DPP10: variants seen among roughly 807,000 people sequenced by gnomAD.
DPP10 encodes inactive dipeptidyl peptidase 10.
DPP10 carries 33 observed loss-of-function variants against 120.9 expected under a neutral mutation model. The ratio of observed to expected loss-of-function variants is 0.27; its 90% CI spans 0.21 to 0.37. DPP10 has a LOEUF of 0.37. DPP10 is among the 10% of genes least tolerant of loss of function. DPP10 has a pLI of 1.00. For missense variants in DPP10, 816 were observed against 942.8 expected, an observed-to-expected ratio of 0.87 and a Z score of 1.76; for synonymous variants, 337 against 326.1, an observed-to-expected ratio of 1.03 and a Z score of -0.36.
chr2:115,740,041 G>T, intron 9 of DPP10, 148 bp downstream of exon 9: 1 of 822,794 alleles, frequency 1.2e-6, no homozygotes, highest in East Asian at 2.6e-5. Flanking sequence ...CGATCTCCCA[G>T]TAGTCTATAC....
intron 3 of DPP10, among the ~76,000 whole-genome samples, chr2:115,345,053 G>C (rs2106267255): frequency 6.6e-6 from 1 of 152,256 alleles, no homozygotes; most frequent in African/African-American, 2.4e-5. Flanking sequence ...ACTTGACACT[G>C]ATATGTCTCC....
intron 7 of DPP10, among the ~76,000 whole-genome samples, chr2:115,697,480 A>G (rs2091655057): frequency 6.6e-6 from 1 of 151,942 alleles, no homozygotes; most frequent in Non-Finnish European, 1.5e-5. Flanking sequence ...TTGAGAGACA[A>G]ATAAATCAAT....
At position 115,683,027 on chromosome 2, in the gene DPP10, G is replaced by A. The variant is rs971455503; in HGVS notation, c.442-6660G>A. 1.9e-4 allele frequency among the ~76,000 whole-genome samples: 29 copies of A among 151,716 alleles called. 1 individual carries two copies. Among genetic ancestry groups the A allele is most frequent in the Non-Finnish European group, 4.3e-4 (29 of 67,812 alleles). ...TGCCTATAACAGAATGACCAAATTG[G>A]TTTTGTGACGGTCAGTTTTGTTTTG... is the stretch of plus-strand genomic sequence containing the variant. On this transcript the variant is annotated intron_variant, in intron 5 of 25. Coordinates refer to ENST00000410059, the MANE Select transcript of DPP10 (RefSeq NM_020868.6).
In DPP10 at chr2:114,959,643, A is replaced by G. The variant is rs2104704684; in HGVS notation, c.61-349596A>G. ...ACTCTATTGTTTAACATGTTAAGGA[A>G]CCGCCAAACTGTTTTTTAAACTGGA... On this transcript the variant is annotated intron_variant, in intron 1 of 25. Transcript: ENST00000410059. Among the ~76,000 whole-genome samples the G allele has an allele frequency of 1.3e-5, 2 of 152,324 alleles. 1 individual carries two copies. Among genetic ancestry groups the G allele is most frequent in the South Asian group, 4.1e-4 (2 of 4,820 alleles).
intron 19 of DPP10, among the ~76,000 whole-genome samples, chr2:115,812,001 T>C (rs1686698914): frequency 6.6e-6 from 1 of 152,204 alleles, no homozygotes; most frequent in African/African-American, 2.4e-5. Context: ...AATCTAATCA[T>C]GGTTTTGTTC....
intron 1 of DPP10, among the ~76,000 whole-genome samples, chr2:114,703,001 G>A (rs1246414541): frequency 6.6e-6 from 1 of 152,104 alleles, no homozygotes; most frequent in Non-Finnish European, 1.5e-5. Flanking sequence ...AGGGTGAGCA[G>A]GGTGGGAAGA....
chr2:115,014,663 C>A (rs10205405), intron 1 of DPP10, among the ~76,000 whole-genome samples: 2,587 of 152,038 alleles, frequency 0.017, 70 homozygotes, highest in African/African-American at 0.06. Context: ...GGGCATATCA[C>A]CACTGATCCC....
chr2:114,732,646 T>A (rs1677029836), intron 1 of DPP10, among the ~76,000 whole-genome samples: 1 of 152,214 alleles, frequency 6.6e-6, no homozygotes, highest in Non-Finnish European at 1.5e-5. Context: ...GAAAACTCAT[T>A]CTTATGGAGA....
At chr2:115,605,845 G>A (rs2083672508) in intron 5 of DPP10, among the ~76,000 whole-genome samples, 3 of 151,968 alleles carry the variant, frequency 2.0e-5, no homozygotes, top group Non-Finnish European at 4.4e-5. Flanking sequence ...TATTATGAAT[G>A]CAAAGTATTA....
intron 1 of DPP10, among the ~76,000 whole-genome samples, chr2:114,600,243 T>A (rs1034521801): frequency 6.6e-6 from 1 of 151,770 alleles, no homozygotes; most frequent in Non-Finnish European, 1.5e-5. Context: ...TCTGTACTGA[T>A]TTTATAATTT....
intron 1 of DPP10, among the ~76,000 whole-genome samples, chr2:114,454,820 TTCCTAC>T (rs1678474661): frequency 6.6e-6 from 1 of 152,184 alleles, no homozygotes; most frequent in African/African-American, 2.4e-5. Context: ...TTCACCCTCT[TTCCTAC>T]CCTGTCTACC....
chr2:115,323,267 T>C (rs1311167254), intron 2 of DPP10, among the ~76,000 whole-genome samples: 1 of 152,234 alleles, frequency 6.6e-6, no homozygotes, highest in Non-Finnish European at 1.5e-5. Flanking sequence ...AAACTGCTCC[T>C]TTCACTTCAT....
At chr2:115,804,482 G>A (rs144861043) in intron 19 of DPP10, among the ~76,000 whole-genome samples, 2,786 of 152,292 alleles carry the variant, frequency 0.018, 88 homozygotes, top group African/African-American at 0.061. Context: ...GAGGAACTGC[G>A]TTCCTTTGGA....
At chr2:114,698,712 T>C (rs1236847408) in intron 1 of DPP10, among the ~76,000 whole-genome samples, 3 of 152,056 alleles carry the variant, frequency 2.0e-5, no homozygotes, top group African/African-American at 7.2e-5. Context: ...AACAAGGCCC[T>C]TAGAAGTGAC....
chr2:114,468,681 G>T (rs984520398), intron 1 of DPP10, among the ~76,000 whole-genome samples: 19 of 152,098 alleles, frequency 1.2e-4, no homozygotes, highest in Non-Finnish European at 2.5e-4. Context: ...AAAAGAAAAA[G>T]TAAAATTGAA....
intron 19 of DPP10, among the ~76,000 whole-genome samples, chr2:115,801,663 A>C (rs1375357582): frequency 6.6e-6 from 1 of 152,142 alleles, no homozygotes; most frequent in Non-Finnish European, 1.5e-5. Flanking sequence ...ATTTTGTCAA[A>C]GGCCTTCTCT....
At chr2:115,358,932 A>T (rs2064588858) in intron 3 of DPP10, among the ~76,000 whole-genome samples, 1 of 151,840 alleles carries the variant, frequency 6.6e-6, no homozygotes, top group Non-Finnish European at 1.5e-5. Context: ...GGATGTAACC[A>T]CCCCCATGAT....
At position 115,573,649 on chromosome 2, in the gene DPP10, G is replaced by A. The variant is rs562210940; in HGVS notation, c.441+47677G>A. Among the ~76,000 whole-genome samples, 9 of 136,688 alleles carry A rather than the reference G, an allele frequency of 6.6e-5. No individual in the cohort carries two copies. In the South Asian group the frequency reaches 9.9e-4, roughly 15 times the overall value. The allele number at this position is 136,688 out of a possible 152,430, so 89.7% of individuals were successfully genotyped here. ...GTCACCCAGGCTGGAGTGCAGTAGC[G>A]CAATCTTGGCTCACTGCAACCTCCG... is the stretch of plus-strand genomic sequence containing the variant. On this transcript the variant is annotated intron_variant, in intron 5 of 25. Transcript: ENST00000410059.
intron 13 of DPP10, among the ~76,000 whole-genome samples, chr2:115,771,294 G>A (rs546686848): frequency 1.3e-3 from 200 of 151,902 alleles, no homozygotes; most frequent in Non-Finnish European, 2.3e-3. Flanking sequence ...GGCTGGTCTC[G>A]AACTTCTGAC....
Sources: allele counts gnomAD v4.1 joint callset (sites outside exome capture counted in the v4.1 genomes callset), GRCh38; gene constraint gnomAD v4.1.1; transcripts MANE v1.5; gene names NCBI Gene and HGNC (gene_info 2026-07-23, HGNC 2026-07-21).